CACNA1A: variants seen among roughly 807,000 people sequenced by gnomAD.
CACNA1A encodes the protein calcium voltage-gated channel subunit alpha1 A.
In CACNA1A, 57 loss-of-function variants were observed where a neutral mutation model predicts 262.4. That is an observed-to-expected ratio of 0.22 (90% CI 0.18 to 0.27). The LOEUF is 0.27. CACNA1A is among the 10% of genes least tolerant of loss of function. The pLI, the probability that CACNA1A is intolerant of heterozygous loss-of-function variation, is 1.00. For synonymous variants in CACNA1A, 1,431 were observed against 1,419.3 expected (o/e 1.01, Z -0.18); for missense variants, 2,526 against 3,562.8 (o/e 0.71, Z 7.41).
chr19:13,322,667 C>T (rs1231558174), intron 10 of CACNA1A, among the ~76,000 whole-genome samples: 1 of 151,862 alleles, frequency 6.6e-6, no homozygotes. Flanking sequence ...ATGACGTCTG[C>T]TCACTGCAAC....
In CACNA1A at chr19:13,207,499, C is replaced by T. The variant is rs920419433; in HGVS notation, c.7335G>A (p.Ser2445=). The T allele has an allele frequency of 7.7e-6, 11 of 1,422,388 alleles. No individual in the cohort carries two copies. Among genetic ancestry groups the T allele is most frequent in the Non-Finnish European group, 1.0e-5 (11 of 1,094,276 alleles). 88.1% of individuals were successfully genotyped at this position (1,422,388 alleles called of 1,614,324 possible). A position where few individuals can be genotyped will look rare whatever the true frequency, so the allele number is the denominator to read the frequency against. The change falls in exon 47 of 47, where the codon TCG becomes TCA. Residue 2445 remains serine (S), a synonymous_variant. Transcript: ENST00000360228. This position sits in a 1 kb window ranked among gnomAD's most constrained non-coding sequence, Gnocchi z 5.7. ...TCCTGGGCGAGCGCCCGGTGGCGCC[C>T]GAGGACGCGTGTCGTACGGGGGGTG... The part of the protein sequence containing the change: ...DAPPPVRHAS[S]GATGRSPRTP...
intron 10 of CACNA1A, among the ~76,000 whole-genome samples, chr19:13,326,818 T>C (rs1278295148): frequency 6.6e-6 from 1 of 150,484 alleles, no homozygotes; most frequent in Non-Finnish European, 1.5e-5. Flanking sequence ...CTGTGCATAC[T>C]GTGGTATAAT....
intron 1 of CACNA1A, among the ~76,000 whole-genome samples, chr19:13,481,992 C>T (rs577804813): frequency 6.6e-6 from 1 of 152,142 alleles, no homozygotes; most frequent in East Asian, 1.9e-4. Flanking sequence ...GACAGCTATC[C>T]AAGCAGAGGA....
intron 28 of CACNA1A, chr19:13,256,376 G>A (rs1347770706): frequency 2.0e-5 from 3 of 152,196 alleles, no homozygotes; most frequent in Admixed American, 6.5e-5. Context: ...TGGTTATTAA[G>A]TCTTAAGGGT....
chr19:13,338,473 C>G (rs1157914727), intron 6 of CACNA1A, among the ~76,000 whole-genome samples: 1 of 152,236 alleles, frequency 6.6e-6, no homozygotes, highest in East Asian at 1.9e-4. Context: ...AAAGCACACA[C>G]AAGAACATTC....
At chr19:13,371,652 G>A in intron 4 of CACNA1A, 36 bp downstream of exon 4, 3 of 1,500,288 alleles carry the variant, frequency 2.0e-6, no homozygotes, top group Non-Finnish European at 2.7e-6. Context: ...TGGGGCCCGT[G>A]AGCAAACCCC....
intron 3 of CACNA1A, among the ~76,000 whole-genome samples, chr19:13,443,644 T>A (rs2060762785): frequency 6.6e-6 from 1 of 152,188 alleles, no homozygotes; most frequent in African/African-American, 2.4e-5. Context: ...TATGTATGTA[T>A]ATAATATATA....
intron 19 of CACNA1A, 126 bp from the exon 20 acceptor site, chr19:13,287,092 C>T (rs1170529514): frequency 2.6e-6 from 2 of 766,590 alleles, no homozygotes; most frequent in Non-Finnish European, 4.1e-6. Flanking sequence ...TGGCTCACGC[C>T]TGTAATCCCA....
At chr19:13,365,101 A>G in intron 5 of CACNA1A, 1 of 400,986 alleles carries the variant, frequency 2.5e-6, no homozygotes, top group Non-Finnish European at 4.5e-6. Flanking sequence ...TCCCAAATAA[A>G]CTCTTTCTCT....
chr19:13,375,160 A>G (rs146123770), intron 3 of CACNA1A, among the ~76,000 whole-genome samples: 9 of 152,198 alleles, frequency 5.9e-5, no homozygotes, highest in Non-Finnish European at 1.2e-4. Context: ...AAACTTTTAC[A>G]TAATTATTAC....
chr19:13,460,948 GCA>G (rs1464478926), intron 1 of CACNA1A, among the ~76,000 whole-genome samples: 1 of 152,042 alleles, frequency 6.6e-6, no homozygotes, highest in East Asian at 1.9e-4. Context: ...CCACGAGACT[GCA>G]CACTCTATGC....
chr19:13,315,861 G>A (rs187323291), intron 11 of CACNA1A: 6 of 152,350 alleles, frequency 3.9e-5, no homozygotes, highest in Admixed American at 2.6e-4. Context: ...GGCAAAAGAC[G>A]TTTTGAGAAG....
At chr19:13,301,107 C>T (rs2057778798) in intron 17 of CACNA1A, among the ~76,000 whole-genome samples, 2 of 151,516 alleles carry the variant, frequency 1.3e-5, no homozygotes, top group Non-Finnish European at 2.9e-5. Context: ...GCCACTATGC[C>T]TGTATACATT....
At chr19:13,483,769 T>C (rs1323886132) in intron 1 of CACNA1A, among the ~76,000 whole-genome samples, 1 of 152,118 alleles carries the variant, frequency 6.6e-6, no homozygotes, top group African/African-American at 2.4e-5. Context: ...CTCCTGAGAC[T>C]CTTCAGTCTC....
chr19:13,241,405 G>A lies in CACNA1A; in HGVS notation c.4950+3777C>T. 1.4e-6 allele frequency: 1 copy of A among 733,296 alleles called. No homozygotes were observed. Among genetic ancestry groups the A allele is most frequent in the Middle Eastern group, 2.3e-4 (1 of 4,266 alleles). 45.4% of individuals were successfully genotyped at this position (733,296 alleles called of 1,614,324 possible). Reference sequence around the variant, plus strand: ...AGACAGAGGAGAGCGGAGGGTTGAGGAGAGCGTCAGGCATCCCACGTTGGA... The same window carrying A: ...AGACAGAGGAGAGCGGAGGGTTGAGAAGAGCGTCAGGCATCCCACGTTGGA... On this transcript the variant is annotated intron_variant, in intron 31 of 46. Transcript: ENST00000360228. This position sits in a 1 kb window ranked among gnomAD's most constrained non-coding sequence, Gnocchi z 4.0.
At position 13,453,004 on chromosome 19, in the gene CACNA1A, T is replaced by C. The variant is rs148002271; in HGVS notation, c.411A>G (p.Glu137=). 2 of 1,613,970 alleles carry C rather than the reference T, an allele frequency of 1.2e-6. No homozygotes were observed. The highest frequency in any genetic ancestry group is 2.2e-5 in the East Asian group (1 of 44,880). Residue 137 remains glutamate, a synonymous_variant, in exon 3 of 47, where the codon GAA becomes GAG. Coordinates refer to ENST00000360228, the MANE Select transcript of CACNA1A (RefSeq NM_001127222.2). ...AACAAAAAATTCCAATGAAGTATGG[T>C]TCTGTGTCATCCTGGAAGGGAGAGA... The part of the protein sequence containing the change: ...TPMSERLDDT[E]PYFIGIFCFE...
At position 13,257,333 on chromosome 19, in the gene CACNA1A, G is replaced by A. The variant is rs1252301260; in HGVS notation, c.4590+17C>T. The stretch of plus-strand genomic sequence containing the variant: ...TGTCCCCAGTTTTTAAAGGACAGAT[G>A]GAATTGGAAGTGGCACCTCATTTTT... On this transcript the variant is annotated intron_variant, in intron 28 of 46. Transcript: ENST00000360228. 5 of 1,605,312 alleles carry A rather than the reference G, an allele frequency of 3.1e-6. No homozygotes were observed. The highest frequency in any genetic ancestry group is 1.7e-5 in the Admixed American group (1 of 59,946).
In CACNA1A at chr19:13,432,103, C is replaced by CAAA. The variant is rs71170513; in HGVS notation, c.539+20770_539+20772dup. On this transcript the variant is annotated intron_variant, in intron 3 of 46. Coordinates refer to ENST00000360228, the MANE Select transcript of CACNA1A (RefSeq NM_001127222.2). ...CTAGCAAGAGAGTGAGACTCCGTCT[C>CAAA]AAAAAAAAAAAAAAAAAAAAAAATT... Among the ~76,000 whole-genome samples, 508 of 64,326 alleles carry CAAA rather than the reference C, an allele frequency of 7.9e-3. 17 individuals carry two copies. The highest frequency in any genetic ancestry group is 0.025 in the African/African-American group (403 of 16,088). 42.2% of individuals were successfully genotyped at this position (64,326 alleles called of 152,430 possible). A position where few individuals can be genotyped will look rare whatever the true frequency, so the allele number is the denominator to read the frequency against.
Position 13,471,209 on chromosome 19 carries a change from C to T in CACNA1A, c.294-15997G>A, listed in dbSNP as rs2061342291. ...CTCATCTCAATCCCTGACTCAATGA[C>T]ATCTGCAAAGATCCTACTTTCAAAT... is the stretch of plus-strand genomic sequence containing the variant. On this transcript the variant is annotated intron_variant, in intron 1 of 46. Transcript: ENST00000360228. 2.0e-5 allele frequency among the ~76,000 whole-genome samples: 3 copies of T among 152,310 alleles called. No individual in the cohort carries two copies. The South Asian group carries it at 6.2e-4, about 32-fold the overall frequency.
Sources: gnomAD v4.1 joint callset for allele counts (sites outside exome capture counted in the v4.1 genomes callset) on GRCh38, gnomAD v4.1.1 for gene constraint, Gnocchi (gnomAD v3.1) non-coding constraint, MANE v1.5 for transcripts, NCBI Gene and HGNC (gene_info 2026-07-23, HGNC 2026-07-21) for gene names.